Variants in GMDS observed in about 807,000 individuals in gnomAD.
GMDS encodes GDP-mannose 4,6 dehydratase.
A neutral mutation model predicts 49.9 loss-of-function variants in GMDS; 20 were observed. That is an observed-to-expected ratio of 0.40 (90% CI 0.28 to 0.58). The LOEUF (loss-of-function observed/expected upper bound fraction) is 0.58, where lower values mean the gene tolerates loss of function less well. GMDS is among the 20% of genes least tolerant of loss of function. GMDS has a pLI of 0.42. For missense variants in GMDS, 362 were observed against 481.4 expected (o/e 0.75, Z 2.32); for synonymous variants, 177 against 178.6 (o/e 0.99, Z 0.07).
chr6:2,052,143 A>AAAAAAAAAAAAAAAAAAAAAAC (rs1770453878), intron 4 of GMDS, among the ~76,000 whole-genome samples: 2 of 148,928 alleles, frequency 1.3e-5, no homozygotes, highest in Admixed American at 6.7e-5. Flanking sequence ...AAAAAAAAAA[A>AAAAAAAAAAAAAAAAAAAAAAC]CAGAAAAGAA....
chr6:2,231,393 T>C (rs1309689862), intron 1 of GMDS, among the ~76,000 whole-genome samples: 2 of 151,780 alleles, frequency 1.3e-5, no homozygotes, highest in African/African-American at 2.4e-5. Flanking sequence ...ACCCCATCTC[T>C]ACAAAAAGAA....
At chr6:2,056,945 C>A (rs923190489) in intron 4 of GMDS, among the ~76,000 whole-genome samples, 3 of 152,126 alleles carry the variant, frequency 2.0e-5, no homozygotes, top group African/African-American at 7.2e-5. Flanking sequence ...TTTGAGACTG[C>A]TGAGAAAGGG....
chr6:2,024,276 C>A (rs1321275719), intron 4 of GMDS, among the ~76,000 whole-genome samples: 1 of 151,998 alleles, frequency 6.6e-6, no homozygotes, highest in African/African-American at 2.4e-5. Context: ...AACTCACACG[C>A]CTTCACAGAA....
rs574896164 is a variant in GMDS, at chr6:1,877,418, T to C, written c.771+52685A>G. Reference sequence around the variant, plus strand: ...ACTTTGAGAGGCCAAGGTGGGAGGATTGCTTGAGGAAAGGAGTTCGAGACC... The same window carrying C: ...ACTTTGAGAGGCCAAGGTGGGAGGACTGCTTGAGGAAAGGAGTTCGAGACC... On this transcript the variant is annotated intron_variant, in intron 7 of 10. Transcript: ENST00000380815. Among the ~76,000 whole-genome samples the C allele has an allele frequency of 2.0e-5, 3 of 151,764 alleles. No individual in the cohort carries two copies. In the South Asian group the frequency reaches 6.3e-4, roughly 32 times the overall value.
intron 1 of GMDS, among the ~76,000 whole-genome samples, chr6:2,236,063 T>C (rs2127598319): frequency 6.6e-6 from 1 of 152,298 alleles, no homozygotes; most frequent in Admixed American, 6.5e-5. Flanking sequence ...GATGGAAGAT[T>C]TGTTTGCTAT....
At chr6:2,150,201 A>C (rs1303337342) in intron 1 of GMDS, among the ~76,000 whole-genome samples, 1 of 152,138 alleles carries the variant, frequency 6.6e-6, no homozygotes, top group African/African-American at 2.4e-5. Flanking sequence ...GGTATTTGGA[A>C]CTGACTAGAA....
At chr6:1,700,220 T>A (rs2070747331) in intron 9 of GMDS, among the ~76,000 whole-genome samples, 1 of 152,218 alleles carries the variant, frequency 6.6e-6, no homozygotes, top group African/African-American at 2.4e-5. Context: ...TATATGAGAA[T>A]TTTTTAAAGT....
At chr6:2,180,804 C>T (rs1012103397) in intron 1 of GMDS, among the ~76,000 whole-genome samples, 1 of 152,078 alleles carries the variant, frequency 6.6e-6, no homozygotes, top group Admixed American at 6.5e-5. Context: ...TTAGAACCAG[C>T]CAGAGGTCCA....
intron 1 of GMDS, among the ~76,000 whole-genome samples, chr6:2,125,774 C>G (rs1486567623): frequency 6.6e-6 from 1 of 152,142 alleles, no homozygotes; most frequent in Admixed American, 6.5e-5. Context: ...ATGGCCACAG[C>G]TGGCTGCTAA....
At position 1,687,944 on chromosome 6, in the gene GMDS, A is replaced by C. The variant is rs559324107; in HGVS notation, c.987+38472T>G. 6.6e-5 allele frequency among the ~76,000 whole-genome samples: 10 copies of C among 152,276 alleles called. No homozygotes were observed. The South Asian group carries it at 2.1e-3, about 32-fold the overall frequency. ...TGGAATTCCACTGAGAGAGCTGTAA[A>C]GCCACAGGTGGGTTCTGAATGAGAG... On this transcript the variant is annotated intron_variant, in intron 9 of 10. Coordinates refer to ENST00000380815, the MANE Select transcript of GMDS (RefSeq NM_001500.4).
chr6:2,036,275 C>CA (rs564754012), intron 4 of GMDS, among the ~76,000 whole-genome samples: 276 of 152,182 alleles, frequency 1.8e-3, no homozygotes, highest in African/African-American at 5.9e-3. Flanking sequence ...TTTAAGATAA[C>CA]AAGGTGTTGA....
At chr6:1,884,403 T>C (rs144869616) in intron 7 of GMDS, among the ~76,000 whole-genome samples, 1 of 152,342 alleles carries the variant, frequency 6.6e-6, no homozygotes, top group African/African-American at 2.4e-5. Flanking sequence ...AGTCTACAAA[T>C]AGGACTGGTG....
At chr6:1,764,666 G>GT (rs1229384245) in intron 7 of GMDS, among the ~76,000 whole-genome samples, 1 of 152,182 alleles carries the variant, frequency 6.6e-6, no homozygotes, top group African/African-American at 2.4e-5. Flanking sequence ...AAGATATGAT[G>GT]TGATAATTCC....
At chr6:1,846,488 A>G (rs1443460979) in intron 7 of GMDS, among the ~76,000 whole-genome samples, 2 of 152,228 alleles carry the variant, frequency 1.3e-5, no homozygotes, top group Non-Finnish European at 2.9e-5. Context: ...AGTGAACCAT[A>G]GTTTATAAAA....
intron 4 of GMDS, among the ~76,000 whole-genome samples, chr6:2,034,376 T>C (rs1156444518): frequency 6.6e-6 from 1 of 152,160 alleles, no homozygotes; most frequent in Non-Finnish European, 1.5e-5. Context: ...AAAGTACATT[T>C]GTGGTTGCCA....
chr6:1,995,876 G>A (rs998537889), intron 4 of GMDS, among the ~76,000 whole-genome samples: 1 of 123,470 alleles, frequency 8.1e-6, no homozygotes, highest in East Asian at 2.2e-4. Context: ...CCTTCTTTTT[G>A]GTGATCTCTA....
intron 8 of GMDS, among the ~76,000 whole-genome samples, chr6:1,734,728 A>G (rs73716365): frequency 0.023 from 3,546 of 152,292 alleles, 155 homozygotes; most frequent in African/African-American, 0.082. Flanking sequence ...GAAATTACTT[A>G]ATAGGGAGGC....
chr6:2,074,103 TA>T (rs1479061961), intron 4 of GMDS, among the ~76,000 whole-genome samples: 2 of 152,216 alleles, frequency 1.3e-5, no homozygotes, highest in Middle Eastern at 3.2e-3. Flanking sequence ...CTGTTTTCCA[TA>T]AGTGGTTGTA....
chr6:1,699,502 A>C (rs1765466267), intron 9 of GMDS, among the ~76,000 whole-genome samples: 1 of 152,078 alleles, frequency 6.6e-6, no homozygotes, highest in Non-Finnish European at 1.5e-5. Context: ...TGGTGTGGGC[A>C]GGGCTGGCTG....
Sources: gnomAD v4.1 joint callset for allele counts (sites outside exome capture counted in the v4.1 genomes callset) on GRCh38, gnomAD v4.1.1 for gene constraint, MANE v1.5 for transcripts, NCBI Gene and HGNC (gene_info 2026-07-23, HGNC 2026-07-21) for gene names.